Variants in ARHGAP24 observed in about 807,000 individuals in gnomAD.
ARHGAP24 encodes Rho GTPase activating protein 24, also known as rho GTPase-activating protein 24.
A neutral mutation model predicts 76.4 loss-of-function variants in ARHGAP24; 50 were observed. The ratio of observed to expected loss-of-function variants is 0.65; its 90% confidence interval spans 0.52 to 0.83. The LOEUF (loss-of-function observed/expected upper bound fraction) is 0.83. Ranked by LOEUF, ARHGAP24 falls within the 40% of genes least tolerant of loss-of-function variation. The pLI is 0.00. For synonymous variants in ARHGAP24, 345 were observed against 323.3 expected (o/e 1.07, Z -0.72); for missense variants, 930 against 914.2 (o/e 1.02, Z -0.22).
intron 3 of ARHGAP24, among the ~76,000 whole-genome samples, chr4:85,751,829 C>G (rs1405069851): frequency 6.6e-6 from 1 of 152,144 alleles, no homozygotes; most frequent in Non-Finnish European, 1.5e-5. Context: ...TCCCAGTGGG[C>G]TCTAGAATGA....
chr4:85,751,303 T>A (rs1303386354), intron 3 of ARHGAP24, among the ~76,000 whole-genome samples: 2 of 152,236 alleles, frequency 1.3e-5, no homozygotes, highest in African/African-American at 2.4e-5. Context: ...TAGATTTTTT[T>A]AATCCAGCTC....
chr4:85,869,428 C>G (rs1732401422), intron 3 of ARHGAP24, among the ~76,000 whole-genome samples: 2 of 152,144 alleles, frequency 1.3e-5, no homozygotes, highest in African/African-American at 4.8e-5. Context: ...TGAATTAGCT[C>G]TGACTCTTAG....
intron 4 of ARHGAP24, among the ~76,000 whole-genome samples, chr4:85,938,478 G>C (rs1736779117): frequency 6.6e-6 from 1 of 152,024 alleles, no homozygotes; most frequent in African/African-American, 2.4e-5. Flanking sequence ...AAATAAATCT[G>C]TTTTTTTAAA....
chr4:85,481,833 C>G (rs549111860), intron 1 of ARHGAP24, among the ~76,000 whole-genome samples: 33 of 152,272 alleles, frequency 2.2e-4, no homozygotes, highest in African/African-American at 7.7e-4. Flanking sequence ...GAGATAGCAA[C>G]TGAGAAAAGA....
At position 85,530,036 on chromosome 4, in the gene ARHGAP24, C is replaced by T. The variant is rs1725193038; in HGVS notation, c.-20-40486C>T. Among the ~76,000 whole-genome samples, 3 of 151,700 alleles carry T rather than the reference C, an allele frequency of 2.0e-5. No homozygotes were observed. The South Asian group carries it at 6.2e-4, about 31-fold the overall frequency. Reference sequence around the variant, plus strand: ...TTATGAATATATGGAGAAAATGGAGCTCACTCTCAGGTACATATATCTATG... The same window carrying T: ...TTATGAATATATGGAGAAAATGGAGTTCACTCTCAGGTACATATATCTATG... On this transcript the variant is annotated intron_variant, in intron 1 of 9. Transcript: ENST00000395184.
chr4:85,674,382 T>C (rs1395751840), intron 2 of ARHGAP24, among the ~76,000 whole-genome samples: 1 of 152,252 alleles, frequency 6.6e-6, no homozygotes, highest in East Asian at 1.9e-4. Flanking sequence ...CTGTCAAAGA[T>C]GCACTCATCT....
At chr4:85,519,571 A>G (rs1724656546) in intron 1 of ARHGAP24, among the ~76,000 whole-genome samples, 1 of 152,152 alleles carries the variant, frequency 6.6e-6, no homozygotes, top group Non-Finnish European at 1.5e-5. Flanking sequence ...GACAGGCTTT[A>G]TACACATAAA....
intron 1 of ARHGAP24, among the ~76,000 whole-genome samples, chr4:85,498,686 G>A (rs1408499987): frequency 2.6e-5 from 4 of 152,198 alleles, no homozygotes; most frequent in Non-Finnish European, 4.4e-5. Flanking sequence ...AATTAGAATC[G>A]TGGGGAATTG....
chr4:85,676,856 C>T (rs1267391517), intron 2 of ARHGAP24, among the ~76,000 whole-genome samples: 1 of 152,158 alleles, frequency 6.6e-6, no homozygotes, highest in East Asian at 1.9e-4. Context: ...AGTACAATAG[C>T]ATGGTAAGGA....
rs146331916 is a variant in ARHGAP24 at position 85,647,439 on chromosome 4, T to C, written c.181-74446T>C. ...TGGTGATCTACCTCCATGGTCACCATGCTGTAGTAATAAGTGTGCAAGTTT... is the reference window on the plus strand; with the variant it reads ...TGGTGATCTACCTCCATGGTCACCACGCTGTAGTAATAAGTGTGCAAGTTT... On this transcript the variant is annotated intron_variant, in intron 2 of 9. Coordinates refer to ENST00000395184, the MANE Select transcript of ARHGAP24 (RefSeq NM_001025616.3). Among the ~76,000 whole-genome samples the C allele has an allele frequency of 9.3e-4, 142 of 152,212 alleles. No individual in the cohort carries two copies. The East Asian group carries it at 0.017, about 18-fold the overall frequency.
chr4:85,577,752 C>A (rs1727438476), intron 2 of ARHGAP24, among the ~76,000 whole-genome samples: 1 of 152,148 alleles, frequency 6.6e-6, no homozygotes, highest in South Asian at 2.1e-4. Context: ...CCCCTACCAC[C>A]ACTTCAAGGT....
intron 2 of ARHGAP24, among the ~76,000 whole-genome samples, chr4:85,640,800 A>G (rs1176982635): frequency 6.6e-6 from 1 of 152,168 alleles, no homozygotes; most frequent in African/African-American, 2.4e-5. Flanking sequence ...GCATAAATAT[A>G]GTCAGGATTT....
At chr4:85,959,657 C>T (rs573864054) in intron 5 of ARHGAP24, among the ~76,000 whole-genome samples, 13 of 152,182 alleles carry the variant, frequency 8.5e-5, no homozygotes, top group African/African-American at 2.6e-4. Context: ...ATAAGATTTC[C>T]GTGATTCGTG....
chr4:85,753,252 A>G (rs931589438), intron 3 of ARHGAP24, among the ~76,000 whole-genome samples: 6 of 152,022 alleles, frequency 3.9e-5, no homozygotes, highest in Non-Finnish European at 8.8e-5. Flanking sequence ...TTGTAAGTGT[A>G]TTTTTTTCTT....
intron 1 of ARHGAP24, among the ~76,000 whole-genome samples, chr4:85,537,581 G>T (rs749755634): frequency 2.0e-5 from 3 of 152,044 alleles, no homozygotes; most frequent in Non-Finnish European, 2.9e-5. Flanking sequence ...AAAAAAAAGA[G>T]TATTGCCTAT....
chr4:85,613,682 A>G (rs1720463678), intron 2 of ARHGAP24, among the ~76,000 whole-genome samples: 1 of 152,202 alleles, frequency 6.6e-6, no homozygotes, highest in African/African-American at 2.4e-5. Context: ...TTTTTAATAT[A>G]CTAGCCAGGA....
chr4:85,969,118 C>T (rs1004979573), intron 5 of ARHGAP24, among the ~76,000 whole-genome samples: 1 of 152,066 alleles, frequency 6.6e-6, no homozygotes, highest in African/African-American at 2.4e-5. Flanking sequence ...AATGATTCTG[C>T]GGCCCTTCAT....
intron 1 of ARHGAP24, among the ~76,000 whole-genome samples, chr4:85,477,917 A>G (rs1384225991): frequency 6.6e-6 from 1 of 152,026 alleles, no homozygotes; most frequent in Non-Finnish European, 1.5e-5. Context: ...TTTCCTGTGA[A>G]TTTTCTGACC....
At chr4:85,730,188 C>A (rs964258738) in intron 3 of ARHGAP24, among the ~76,000 whole-genome samples, 4 of 152,170 alleles carry the variant, frequency 2.6e-5, no homozygotes, top group Admixed American at 2.6e-4. Context: ...ATTTGGAATT[C>A]TAGATTCTGA....
Sources: allele counts gnomAD v4.1 joint callset (sites outside exome capture counted in the v4.1 genomes callset), GRCh38; gene constraint gnomAD v4.1.1; transcripts MANE v1.5; gene names NCBI Gene and HGNC (gene_info 2026-07-23, HGNC 2026-07-21).